RNF217: variants seen among roughly 807,000 people sequenced by gnomAD.
The protein encoded by RNF217 is ring finger protein 217, also known as E3 ubiquitin-protein ligase RNF217.
In RNF217, 31 loss-of-function variants were observed where a neutral mutation model predicts 57.8. That is an observed-to-expected ratio of 0.54 (90% confidence interval 0.40 to 0.72). The LOEUF (loss-of-function observed/expected upper bound fraction) is 0.72, where lower values mean the gene tolerates loss of function less well. Ranked by LOEUF, RNF217 falls within the 30% of genes least tolerant of loss-of-function variation. The pLI is 0.00. For synonymous variants in RNF217, 313 were observed against 294.0 expected, an observed-to-expected ratio of 1.06 and a Z score of -0.66; for missense variants, 696 against 708.3, an observed-to-expected ratio of 0.98 and a Z score of 0.20.
At chr6:125,042,960 G>A (rs779535952) in intron 1 of RNF217, among the ~76,000 whole-genome samples, 3 of 152,058 alleles carry the variant, frequency 2.0e-5, no homozygotes, top group Non-Finnish European at 2.9e-5. Flanking sequence ...GGTGGCCCAA[G>A]TAAGCCCCTT....
At position 124,963,384 on chromosome 6, in the gene RNF217, G is replaced by A; in HGVS notation, c.840G>A (p.Lys280=). 2 of 1,508,130 alleles carry A rather than the reference G, an allele frequency of 1.3e-6. No individual in the cohort carries two copies. The highest frequency in any genetic ancestry group is 1.8e-6 in the Non-Finnish European group (2 of 1,133,750). 93.4% of individuals were successfully genotyped at this position (1,508,130 alleles called of 1,614,324 possible). A position where few individuals can be genotyped will look rare whatever the true frequency, so the allele number is the denominator to read the frequency against. ...TCAAGCCCCTGCCTTGCTGCAAGAA[G>A]GCCGTGTGCGAGGAGTGCCTCAAAG... ...KPIKPLPCCK[K]AVCEECLKVY... The change falls in exon 1 of 6, where the codon AAG becomes AAA. Residue 280 remains lysine, a synonymous_variant. Coordinates refer to ENST00000521654, the MANE Select transcript of RNF217 (RefSeq NM_001286398.3).
At chr6:125,080,497 TG>T (rs1375030951) in intron 4 of RNF217, among the ~76,000 whole-genome samples, 2 of 152,154 alleles carry the variant, frequency 1.3e-5, no homozygotes, top group Non-Finnish European at 2.9e-5. Context: ...ATGATATTGC[TG>T]TTTCATCCTT....
chr6:125,015,867 A>G (rs1369875376), intron 1 of RNF217, among the ~76,000 whole-genome samples: 3 of 152,160 alleles, frequency 2.0e-5, no homozygotes, highest in Non-Finnish European at 4.4e-5. Flanking sequence ...GATTAGATTA[A>G]TAAAATATGG....
At chr6:125,002,552 TC>T (rs1785028861) in intron 1 of RNF217, among the ~76,000 whole-genome samples, 1 of 152,098 alleles carries the variant, frequency 6.6e-6, no homozygotes, top group Non-Finnish European at 1.5e-5. Flanking sequence ...TTGACTTTCA[TC>T]CCCAAAGAAT....
At chr6:125,069,755 G>A (rs1395362153) in intron 3 of RNF217, among the ~76,000 whole-genome samples, 1 of 152,142 alleles carries the variant, frequency 6.6e-6, no homozygotes. Flanking sequence ...CACATTCCCA[G>A]CAATAGTGTA....
rs578108080 is a variant in RNF217, at chr6:125,072,941, A to G, written c.1282-3716A>G. Among the ~76,000 whole-genome samples the G allele has an allele frequency of 3.9e-5, 6 of 152,340 alleles. No homozygotes were observed. In the East Asian group the frequency reaches 1.2e-3, roughly 29 times the overall value. ...ACTCTGTTTATGAAGAAGAATGCCA[A>G]TCTCATGGTGCAGTTATAAGGCTTA... is the stretch of plus-strand genomic sequence containing the variant. On this transcript the variant is annotated intron_variant, in intron 3 of 5. Coordinates refer to ENST00000521654, the MANE Select transcript of RNF217 (RefSeq NM_001286398.3).
chr6:124,974,962 C>T (rs1444052596), intron 1 of RNF217, among the ~76,000 whole-genome samples: 1 of 152,124 alleles, frequency 6.6e-6, no homozygotes, highest in African/African-American at 2.4e-5. Flanking sequence ...TTATGTTTGC[C>T]CCACTCCACC....
chr6:125,076,642 C>T lies in RNF217; in HGVS notation c.1282-15C>T. ...GCTAACTCTTTCCTTCTCCTTCCCT[C>T]TCTTGCTGATACAGATCCACATCCA... On this transcript the variant is annotated splice_polypyrimidine_tract_variant and intron_variant, in intron 3 of 5. Transcript: ENST00000521654. 4 of 1,588,226 alleles carry T rather than the reference C, an allele frequency of 2.5e-6. No individual in the cohort carries two copies. Among genetic ancestry groups the T allele is most frequent in the Non-Finnish European group, 3.5e-6 (4 of 1,156,778 alleles).
intron 1 of RNF217, among the ~76,000 whole-genome samples, chr6:124,998,522 A>G (rs186551054): frequency 6.6e-6 from 1 of 152,254 alleles, no homozygotes; most frequent in Admixed American, 6.5e-5. Context: ...GTAGAAGGCC[A>G]GGTGCCGTGG....
intron 1 of RNF217, among the ~76,000 whole-genome samples, chr6:125,023,121 G>A (rs996972216): frequency 6.6e-6 from 1 of 152,148 alleles, no homozygotes; most frequent in African/African-American, 2.4e-5. Context: ...AGCAAGTCTT[G>A]TTAAGGATCA....
At chr6:125,030,836 GA>G (rs377220657) in intron 1 of RNF217, among the ~76,000 whole-genome samples, 418 of 152,274 alleles carry the variant, frequency 2.7e-3, no homozygotes, top group African/African-American at 9.5e-3. Context: ...AGCTCCACTA[GA>G]CGGTGCCCCA....
chr6:125,044,131 C>A (rs1167026907), intron 1 of RNF217, among the ~76,000 whole-genome samples: 1 of 151,654 alleles, frequency 6.6e-6, no homozygotes, highest in Non-Finnish European at 1.5e-5. Context: ...CCATTCCTAC[C>A]TCAGTCTTCA....
chr6:124,988,331 C>A (rs982468510), intron 1 of RNF217, among the ~76,000 whole-genome samples: 5 of 152,196 alleles, frequency 3.3e-5, no homozygotes, highest in African/African-American at 4.8e-5. Context: ...TGAAAAGTTT[C>A]AACCTAAGCT....
rs576783507 is a variant in RNF217, at chr6:125,015,150, A to G, written c.883-30061A>G. ...GCTATCTGGTTTTTATCTGAAAGTCACCTAAAATAGTTGATATTCCAGAAA... is the reference window on the plus strand; with the variant it reads ...GCTATCTGGTTTTTATCTGAAAGTCGCCTAAAATAGTTGATATTCCAGAAA... On this transcript the variant is annotated intron_variant, in intron 1 of 5. Coordinates refer to ENST00000521654, the MANE Select transcript of RNF217 (RefSeq NM_001286398.3). Among the ~76,000 whole-genome samples, 7 of 152,282 alleles carry G rather than the reference A, an allele frequency of 4.6e-5. No individual in the cohort carries two copies. In the East Asian group the frequency reaches 1.3e-3, roughly 29 times the overall value.
intron 5 of RNF217, among the ~76,000 whole-genome samples, 164 bp downstream of exon 5, chr6:125,081,671 G>T (rs534145245): frequency 6.6e-6 from 1 of 152,096 alleles, no homozygotes; most frequent in African/African-American, 2.4e-5. Context: ...TCAGAGGAGC[G>T]TGTTTCCTGT....
intron 3 of RNF217, among the ~76,000 whole-genome samples, chr6:125,070,361 A>G (rs1356088057): frequency 3.3e-5 from 5 of 152,138 alleles, no homozygotes; most frequent in African/African-American, 4.8e-5. Flanking sequence ...GTCCTTTTGG[A>G]TAGATATTCA....
chr6:125,041,646 A>G (rs555442327), intron 1 of RNF217, among the ~76,000 whole-genome samples: 37 of 152,216 alleles, frequency 2.4e-4, no homozygotes, highest in Non-Finnish European at 4.6e-4. Flanking sequence ...TGTTCTCTGC[A>G]TAACAGGCCT....
Position 125,090,162 on chromosome 6 carries a change from GAAT to G in RNF217, c.*7232_*7234del, listed in dbSNP as rs1328525406. On this transcript the variant is annotated 3_prime_UTR_variant, in exon 6 of 6. Transcript: ENST00000521654. ...AACCTTATGTTTCACGTGAAACATA[GAAT>G]AATAATTAGTTTGTATATATATAAA... The G allele has an allele frequency of 3.3e-5, 5 of 152,052 alleles. No homozygotes were observed. The East Asian group carries it at 9.7e-4, about 29-fold the overall frequency. 9.4% of individuals were successfully genotyped at this position (152,052 alleles called of 1,614,324 possible).
At position 125,057,963 on chromosome 6, in the gene RNF217, T is replaced by A; in HGVS notation, c.1138T>A (p.Phe380Ile). Residue 380 changes from phenylalanine (F) to isoleucine (I), a missense_variant, in exon 3 of 6, where the codon TTC becomes ATC. Physicochemically the swap from Phe to Ile is conservative, Grantham distance 21. Transcript: ENST00000521654. Reference protein sequence around the residue: ...KYKIQCPTCQFVWCFKCHSPW... With the variant: ...KYKIQCPTCQIVWCFKCHSPW... Reference sequence around the variant, plus strand: ...ACAGATCCAGTGCCCTACCTGCCAATTCGTCTGGTGTTTTAAGTGCCACTC... The same window carrying A: ...ACAGATCCAGTGCCCTACCTGCCAAATCGTCTGGTGTTTTAAGTGCCACTC... 1 of 1,611,406 alleles carries A rather than the reference T, an allele frequency of 6.2e-7. No individual in the cohort carries two copies. The highest frequency in any genetic ancestry group is 8.5e-7 in the Non-Finnish European group (1 of 1,178,536).
Sources: gnomAD v4.1 joint callset for allele counts (sites outside exome capture counted in the v4.1 genomes callset) on GRCh38, gnomAD v4.1.1 for gene constraint, MANE v1.5 for transcripts, NCBI Gene and HGNC (gene_info 2026-07-23, HGNC 2026-07-21) for gene names.